Variants in TASP1 observed in about 807,000 individuals in gnomAD.
The protein encoded by TASP1 is threonine aspartase 1.
Under a neutral mutation model 56.6 loss-of-function variants are expected in TASP1, and 16 were observed. The observed-to-expected ratio is 0.28, with a 90% CI of 0.19 to 0.43. TASP1 has a LOEUF of 0.43. Ranked by LOEUF, TASP1 falls within the 20% of genes least tolerant of loss-of-function variation. The pLI, the probability that TASP1 is intolerant of heterozygous loss-of-function variation, is 1.00. For synonymous variants in TASP1, 179 were observed against 184.2 expected, an observed-to-expected ratio of 0.97 and a Z score of 0.23; for missense variants, 393 against 511.6, an observed-to-expected ratio of 0.77 and a Z score of 2.24.
At chr20:13,462,385 C>T (rs2044085491) in intron 11 of TASP1, among the ~76,000 whole-genome samples, 1 of 152,062 alleles carries the variant, frequency 6.6e-6, no homozygotes, top group Non-Finnish European at 1.5e-5. Context: ...CTAATGACTG[C>T]TATATGGGAC....
chr20:13,449,826 G>A (rs560308927), intron 11 of TASP1, among the ~76,000 whole-genome samples: 80 of 152,198 alleles, frequency 5.3e-4, no homozygotes, highest in Middle Eastern at 3.4e-3. Flanking sequence ...GTGAATCACT[G>A]TATCCTGAAC....
chr20:13,194,543 ATGTGTGTGTGTGTGTGTGTGTGTG>A, the TASP1 span, among the ~76,000 whole-genome samples: 1 of 142,294 alleles, frequency 7.0e-6, no homozygotes. Flanking sequence ...TCACCAAGAA[ATGTGTGTGTGTGTGTGTGTGTGTG>A]TGTGTGTGTG....
the TASP1 span, among the ~76,000 whole-genome samples, chr20:13,205,307 C>T: frequency 8.3e-4 from 126 of 152,132 alleles, no homozygotes; most frequent in Non-Finnish European, 1.0e-3. Flanking sequence ...ATCTTTTGCC[C>T]GGAAATCTCT....
chr20:13,111,261 T>C, the TASP1 span, among the ~76,000 whole-genome samples: 1 of 152,144 alleles, frequency 6.6e-6, no homozygotes, highest in African/African-American at 2.4e-5. Context: ...TCACCTACCA[T>C]TACCTCCTCC....
the TASP1 span, among the ~76,000 whole-genome samples, chr20:13,120,656 T>C: frequency 6.6e-6 from 1 of 152,226 alleles, no homozygotes; most frequent in Non-Finnish European, 1.5e-5. Flanking sequence ...ATGAGACATG[T>C]AATGAAACAC....
intron 4 of TASP1, among the ~76,000 whole-genome samples, chr20:13,600,171 G>GA (rs2047901439): frequency 6.6e-6 from 1 of 152,108 alleles, no homozygotes; most frequent in Non-Finnish European, 1.5e-5. Flanking sequence ...TCATGAACTG[G>GA]AAAATTCAGT....
At chr20:13,378,251 C>G in the TASP1 span, among the ~76,000 whole-genome samples, 1 of 152,162 alleles carries the variant, frequency 6.6e-6, no homozygotes, top group Admixed American at 6.5e-5. Context: ...TTAACTGTGT[C>G]CCAGAGATTC....
chr20:13,467,229 CT>C (rs947846204), intron 11 of TASP1, among the ~76,000 whole-genome samples: 29 of 149,754 alleles, frequency 1.9e-4, no homozygotes, highest in Non-Finnish European at 3.3e-4. Flanking sequence ...CACACAAATA[CT>C]TTTTTTTCCT....
At chr20:13,155,941 T>C in the TASP1 span, among the ~76,000 whole-genome samples, 1 of 152,204 alleles carries the variant, frequency 6.6e-6, no homozygotes, top group Non-Finnish European at 1.5e-5. Context: ...GGACATAATG[T>C]GCTACAGACA....
chr20:13,167,747 T>C, the TASP1 span: 1 of 152,228 alleles, frequency 6.6e-6, no homozygotes, highest in Admixed American at 6.5e-5. Flanking sequence ...ACTAGGAAGC[T>C]GGCTAAAATC....
intron 5 of TASP1, among the ~76,000 whole-genome samples, chr20:13,582,123 CAAAAAAA>C (rs773253001): frequency 1.3e-5 from 1 of 79,008 alleles, no homozygotes; most frequent in Admixed American, 1.4e-4. Flanking sequence ...GTATGAAATA[CAAAAAAA>C]AAAAAAAAGA....
the TASP1 span, among the ~76,000 whole-genome samples, chr20:13,153,148 A>G: frequency 8.5e-5 from 13 of 152,314 alleles, no homozygotes; most frequent in African/African-American, 3.1e-4. Flanking sequence ...TATTGAGCAA[A>G]CACTATCTAG....
the TASP1 span, among the ~76,000 whole-genome samples, chr20:13,336,929 G>A: frequency 6.6e-6 from 1 of 152,202 alleles, no homozygotes; most frequent in African/African-American, 2.4e-5. Context: ...CTGTCTACTG[G>A]ATTTGAATGC....
At chr20:13,108,044 T>C in the TASP1 span, among the ~76,000 whole-genome samples, 3 of 152,198 alleles carry the variant, frequency 2.0e-5, no homozygotes, top group Non-Finnish European at 4.4e-5. Flanking sequence ...ATCTTATTCA[T>C]GTCACATGCT....
intron 1 of TASP1, among the ~76,000 whole-genome samples, chr20:13,630,858 T>C (rs1219039820): frequency 1.3e-5 from 2 of 152,124 alleles, no homozygotes; most frequent in Non-Finnish European, 2.9e-5. Flanking sequence ...ATTTTATTCA[T>C]GTTAGTTGCT....
intron 4 of TASP1, among the ~76,000 whole-genome samples, chr20:13,596,765 A>G (rs1196114392): frequency 6.6e-6 from 1 of 152,222 alleles, no homozygotes; most frequent in Non-Finnish European, 1.5e-5. Flanking sequence ...GAAAAGATCA[A>G]CAAAATAGAT....
At chr20:13,262,750 G>A in the TASP1 span, among the ~76,000 whole-genome samples, 187 of 146,248 alleles carry the variant, frequency 1.3e-3, no homozygotes, top group Non-Finnish European at 2.3e-3. Flanking sequence ...TTTGTCAGCC[G>A]GCCCCAAGAA....
chr20:13,144,153 C>T, the TASP1 span, among the ~76,000 whole-genome samples: 2 of 152,314 alleles, frequency 1.3e-5, no homozygotes, highest in Admixed American at 6.5e-5. Flanking sequence ...GTACTCATCC[C>T]TTTCCTCCCC....
chr20:13,147,098 G>A, the TASP1 span, among the ~76,000 whole-genome samples: 1 of 152,174 alleles, frequency 6.6e-6, no homozygotes, highest in Non-Finnish European at 1.5e-5. Flanking sequence ...TCGAAATCAG[G>A]CCATGCCGAC....
Sources: allele counts gnomAD v4.1 joint callset (sites outside exome capture counted in the v4.1 genomes callset), GRCh38; gene constraint gnomAD v4.1.1; transcripts MANE v1.5; gene names NCBI Gene and HGNC (gene_info 2026-07-23, HGNC 2026-07-21).